DIXDC1: variants seen among roughly 807,000 people sequenced by gnomAD.
DIXDC1 encodes the protein DIX domain containing 1, also known as dixin.
DIXDC1 carries 64 observed loss-of-function variants against 103.1 expected under a neutral mutation model. The observed-to-expected ratio is 0.62, with a 90% CI of 0.51 to 0.76. The LOEUF is 0.76. Among genes scored for constraint, DIXDC1 ranks in the 30% least tolerant of loss-of-function variants. The pLI, the probability that DIXDC1 is intolerant of heterozygous loss-of-function variation, is 0.00. For missense variants in DIXDC1, 759 were observed against 834.2 expected (o/e 0.91, Z 1.11); for synonymous variants, 266 against 298.5 (o/e 0.89, Z 1.12).
chr11:111,963,338 C>G (rs1369921799), intron 1 of DIXDC1, among the ~76,000 whole-genome samples: 1 of 152,178 alleles, frequency 6.6e-6, no homozygotes, highest in African/African-American at 2.4e-5. Context: ...TCCTCCTGAT[C>G]GTTGCACTTC....
At chr11:112,013,321 T>TGG (rs1403269609) in intron 17 of DIXDC1, among the ~76,000 whole-genome samples, 1,957 of 35,526 alleles carry the variant, frequency 0.055, 59 homozygotes, top group Middle Eastern at 0.065. Flanking sequence ...GGTCGGGGGG[T>TGG]GGGGGTGGGG....
chr11:111,994,103 A>G (rs73561916), intron 14 of DIXDC1, among the ~76,000 whole-genome samples: 3,201 of 152,280 alleles, frequency 0.021, 123 homozygotes, highest in African/African-American at 0.074. Flanking sequence ...AATATTCACC[A>G]TGGCCTGGCA....
intron 1 of DIXDC1, among the ~76,000 whole-genome samples, chr11:111,941,026 G>A (rs139430750): frequency 6.6e-5 from 10 of 152,290 alleles, no homozygotes; most frequent in African/African-American, 1.9e-4. Flanking sequence ...GAGGCAAGAG[G>A]ACCACTGGAG....
At chr11:111,935,365 A>G (rs1417412466), upstream of DIXDC1, among the ~76,000 whole-genome samples, 1 of 152,220 alleles carries the variant, frequency 6.6e-6, no homozygotes, top group Non-Finnish European at 1.5e-5. Context: ...CAGTGATTTC[A>G]TAAGTCTTTT....
intron 1 of DIXDC1, among the ~76,000 whole-genome samples, chr11:111,949,950 GCAAT>G (rs1183271319): frequency 6.6e-6 from 1 of 151,982 alleles, no homozygotes; most frequent in Non-Finnish European, 1.5e-5. Context: ...TCTTGTAGCA[GCAAT>G]CACTTTGTGT....
intron 2 of DIXDC1, among the ~76,000 whole-genome samples, chr11:111,966,355 T>TGGGA (rs1555171532): frequency 1.3e-5 from 2 of 150,150 alleles, no homozygotes; most frequent in Admixed American, 1.3e-4. Flanking sequence ...CCCAAGTAAC[T>TGGGA]GGGACTACAT....
At chr11:112,015,763 C>G (rs587651632) in intron 17 of DIXDC1, among the ~76,000 whole-genome samples, 2 of 145,260 alleles carry the variant, frequency 1.4e-5, no homozygotes, top group African/African-American at 5.0e-5. Flanking sequence ...GATTGCACCA[C>G]TGCACTCCAG....
At chr11:112,000,494 C>T (rs889842655) in intron 17 of DIXDC1, among the ~76,000 whole-genome samples, 12 of 152,128 alleles carry the variant, frequency 7.9e-5, no homozygotes, top group Non-Finnish European at 1.0e-4. Flanking sequence ...GTCAGGAGAT[C>T]GAGACCACCC....
rs201918645 is a variant in DIXDC1, at chr11:112,017,837, G to C, written c.1923G>C (p.Arg641=). ...KAAIDREGNH[R]YHFKALDPEF... Reference sequence around the variant, plus strand: ...CTATTGATCGGGAAGGAAATCACCGGTATCACTTCAAAGCACTGGATCCTG... The same window carrying C: ...CTATTGATCGGGAAGGAAATCACCGCTATCACTTCAAAGCACTGGATCCTG... Residue 641 remains arginine (R), a synonymous_variant, in exon 19 of 20, where the codon CGG becomes CGC. Transcript: ENST00000440460. This position sits in a 1 kb window ranked among gnomAD's most constrained non-coding sequence, Gnocchi z 4.0. The C allele has an allele frequency of 2.2e-4, 347 of 1,611,774 alleles. 6 individuals carry two copies. In the Admixed American group the frequency reaches 5.1e-3, roughly 23 times the overall value.
intron 17 of DIXDC1, among the ~76,000 whole-genome samples, chr11:112,014,870 G>T (rs1861539633): frequency 6.6e-6 from 1 of 151,966 alleles, no homozygotes; most frequent in South Asian, 2.1e-4. Context: ...TGGCATGTAG[G>T]TTACAATAAT....
Position 111,980,726 on chromosome 11 carries a change from T to C in DIXDC1, c.657-11T>C. ...TAATAATCGTTTTTCTTCCTTTTTC[T>C]TCAATCACAGCCTGACTTCACCCAG... is the stretch of plus-strand genomic sequence containing the variant. On this transcript the variant is annotated splice_polypyrimidine_tract_variant and intron_variant, in intron 5 of 19. Transcript: ENST00000440460. The C allele has an allele frequency of 6.2e-7, 1 of 1,606,620 alleles. No homozygotes were observed. The highest frequency in any genetic ancestry group is 8.5e-7 in the Non-Finnish European group (1 of 1,175,772).
chr11:111,988,721 A>C (rs1860585925), intron 9 of DIXDC1, among the ~76,000 whole-genome samples: 1 of 152,202 alleles, frequency 6.6e-6, no homozygotes, highest in Non-Finnish European at 1.5e-5. Context: ...TAAATATAGA[A>C]ATGAGAGCCT....
At chr11:111,943,288 CAT>C (rs1210106189) in intron 1 of DIXDC1, among the ~76,000 whole-genome samples, 2 of 151,612 alleles carry the variant, frequency 1.3e-5, no homozygotes, top group African/African-American at 4.8e-5. Flanking sequence ...GGACTATAGG[CAT>C]GTGCTACCAC....
chr11:111,980,592 A>G (rs929794290), intron 5 of DIXDC1, 145 bp from the exon 6 acceptor site: 9 of 565,500 alleles, frequency 1.6e-5, no homozygotes, highest in Admixed American at 3.2e-5. Flanking sequence ...TAAATATTTT[A>G]TTTTCTGTGG....
At chr11:111,981,065 G>A (rs1860288026) in intron 6 of DIXDC1, among the ~76,000 whole-genome samples, 1 of 150,384 alleles carries the variant, frequency 6.6e-6, no homozygotes, top group East Asian at 1.9e-4. Context: ...AAATCTTGCA[G>A]CAGCATAGAT....
chr11:111,936,815 C>T (rs1966201188), upstream of DIXDC1, among the ~76,000 whole-genome samples: 1 of 151,830 alleles, frequency 6.6e-6, no homozygotes, highest in Non-Finnish European at 1.5e-5. Flanking sequence ...CACCCACCTT[C>T]TGGTGGGCCG....
At chr11:112,006,503 G>A (rs1861242532) in intron 17 of DIXDC1, among the ~76,000 whole-genome samples, 1 of 152,264 alleles carries the variant, frequency 6.6e-6, no homozygotes, top group Non-Finnish European at 1.5e-5. Context: ...CCTGACCCCT[G>A]TGTAGCCTAA....
chr11:111,989,982 G>C (rs747905049), intron 10 of DIXDC1, among the ~76,000 whole-genome samples: 8 of 150,604 alleles, frequency 5.3e-5, no homozygotes, highest in Non-Finnish European at 7.4e-5. Context: ...AGTAGAGACG[G>C]GGTTTCACCG....
intron 1 of DIXDC1, among the ~76,000 whole-genome samples, chr11:111,944,696 G>A (rs944313766): frequency 5.9e-5 from 9 of 152,106 alleles, no homozygotes; most frequent in African/African-American, 1.9e-4. Flanking sequence ...TCCTTCCACC[G>A]GCCACCTCGT....
Sources: allele counts gnomAD v4.1 joint callset (sites outside exome capture counted in the v4.1 genomes callset), GRCh38; gene constraint gnomAD v4.1.1; non-coding constraint Gnocchi (gnomAD v3.1); transcripts MANE v1.5; gene names NCBI Gene and HGNC (gene_info 2026-07-23, HGNC 2026-07-21).